The following VWC2L variants were observed in gnomAD, a reference collection of about 807,000 sequenced individuals.
VWC2L encodes the protein von Willebrand factor C domain containing 2 like, also known as von Willebrand factor C domain-containing protein 2-like.
Under a neutral mutation model 21.6 loss-of-function variants are expected in VWC2L, and 10 were observed. The ratio of observed to expected loss-of-function variants is 0.46; its 90% CI spans 0.29 to 0.78. The LOEUF (loss-of-function observed/expected upper bound fraction) is 0.78, where lower values mean the gene tolerates loss of function less well. Among genes scored for constraint, VWC2L ranks in the 30% least tolerant of loss-of-function variants. The probability of loss-of-function intolerance (pLI) is 0.10; values close to 1 mark genes in which losing one functional copy is unlikely to be tolerated. For synonymous variants in VWC2L, 96 were observed against 94.3 expected, an observed-to-expected ratio of 1.02 and a Z score of -0.10; for missense variants, 209 against 277.1, an observed-to-expected ratio of 0.75 and a Z score of 1.74.
intron 3 of VWC2L, among the ~76,000 whole-genome samples, chr2:214,567,587 C>G (rs368105692): frequency 0.67 from 90,776 of 135,564 alleles, 31,016 homozygotes; most frequent in East Asian, 0.8. Context: ...CACACACACA[C>G]ACACACACAG....
At chr2:214,556,268 A>G (rs1029732071) in intron 3 of VWC2L, among the ~76,000 whole-genome samples, 2 of 152,162 alleles carry the variant, frequency 1.3e-5, no homozygotes, top group African/African-American at 4.8e-5. Context: ...TCAAAAAATA[A>G]ATAAAATTTA....
At chr2:214,472,926 T>C (rs1703330873) in intron 3 of VWC2L, among the ~76,000 whole-genome samples, 1 of 152,230 alleles carries the variant, frequency 6.6e-6, no homozygotes, top group African/African-American at 2.4e-5. Context: ...CTAACCAAAG[T>C]GATATGTCTC....
intron 3 of VWC2L, chr2:214,534,224 C>T (rs1202766630): frequency 2.0e-5 from 3 of 152,494 alleles, no homozygotes; most frequent in Non-Finnish European, 4.4e-5. Flanking sequence ...TACCAGAAGC[C>T]GTTGTCGCAT....
intron 3 of VWC2L, among the ~76,000 whole-genome samples, chr2:214,450,203 C>G (rs904092701): frequency 6.6e-6 from 1 of 152,118 alleles, no homozygotes; most frequent in Non-Finnish European, 1.5e-5. Flanking sequence ...GAGGAAAGCA[C>G]GTGAGCCTTT....
chr2:214,552,009 T>C (rs1689802801), intron 3 of VWC2L, among the ~76,000 whole-genome samples: 1 of 152,248 alleles, frequency 6.6e-6, no homozygotes, highest in Non-Finnish European at 1.5e-5. Flanking sequence ...CAAAAGAATT[T>C]TTCTTCCTTT....
At chr2:214,573,925 G>A (rs1690190193) in intron 3 of VWC2L, among the ~76,000 whole-genome samples, 1 of 152,214 alleles carries the variant, frequency 6.6e-6, no homozygotes, top group Non-Finnish European at 1.5e-5. Context: ...TGGATCGCCT[G>A]AGGTCAGGAA....
At chr2:214,481,346 T>G (rs1001092024) in intron 3 of VWC2L, among the ~76,000 whole-genome samples, 12 of 152,196 alleles carry the variant, frequency 7.9e-5, no homozygotes, top group African/African-American at 2.9e-4. Context: ...AAGTCCAGGC[T>G]AGACTACTGA....
At chr2:214,437,899 C>T (rs1702700805) in intron 3 of VWC2L, among the ~76,000 whole-genome samples, 1 of 152,164 alleles carries the variant, frequency 6.6e-6, no homozygotes, top group Non-Finnish European at 1.5e-5. Context: ...TTTCCAGATA[C>T]ACGTTTTGCT....
At chr2:214,513,780 G>A (rs1689096442) in intron 3 of VWC2L, among the ~76,000 whole-genome samples, 1 of 152,076 alleles carries the variant, frequency 6.6e-6, no homozygotes, top group African/African-American at 2.4e-5. Context: ...TACAAGGCAA[G>A]AGTGTCCTCT....
chr2:214,466,863 T>A (rs1225797754), intron 3 of VWC2L, among the ~76,000 whole-genome samples: 1 of 152,232 alleles, frequency 6.6e-6, no homozygotes, highest in African/African-American at 2.4e-5. Context: ...CTGCTTATTC[T>A]GATATCTGTG....
At chr2:214,430,868 T>C (rs1475331438) in intron 2 of VWC2L, among the ~76,000 whole-genome samples, 1 of 152,102 alleles carries the variant, frequency 6.6e-6, no homozygotes, top group Admixed American at 6.5e-5. Flanking sequence ...GCTTCCTCAG[T>C]ATTAAAATTC....
At chr2:214,529,618 C>G (rs928296922) in intron 3 of VWC2L, among the ~76,000 whole-genome samples, 10 of 152,122 alleles carry the variant, frequency 6.6e-5, no homozygotes, top group Non-Finnish European at 1.0e-4. Flanking sequence ...GCACTTGTAT[C>G]AAAGCCATTC....
At chr2:214,472,663 C>T (rs1703327284) in intron 3 of VWC2L, among the ~76,000 whole-genome samples, 1 of 152,186 alleles carries the variant, frequency 6.6e-6, no homozygotes, top group South Asian at 2.1e-4. Flanking sequence ...AGTTCTATAT[C>T]CAATAGATTG....
At chr2:214,420,202 C>T (rs954218880) in intron 2 of VWC2L, among the ~76,000 whole-genome samples, 6 of 152,298 alleles carry the variant, frequency 3.9e-5, no homozygotes, top group Admixed American at 2.6e-4. Context: ...TCAACCTTCT[C>T]ATTAATAGGT....
intron 3 of VWC2L, among the ~76,000 whole-genome samples, chr2:214,475,131 A>G (rs1183676237): frequency 6.6e-6 from 1 of 152,184 alleles, no homozygotes; most frequent in East Asian, 1.9e-4. Flanking sequence ...TTTACATTGT[A>G]GATGTAAAAG....
At chr2:214,470,441 GATTTA>G (rs1198914315) in intron 3 of VWC2L, among the ~76,000 whole-genome samples, 2 of 151,954 alleles carry the variant, frequency 1.3e-5, no homozygotes, top group Admixed American at 6.6e-5. Flanking sequence ...TATTTTATAG[GATTTA>G]ATTTGTTTTT....
In VWC2L at chr2:214,432,137, C is replaced by T. The variant is rs114443299; in HGVS notation, c.391-4492C>T. 1.5e-3 allele frequency among the ~76,000 whole-genome samples: 231 copies of T among 152,132 alleles called. 2 individuals carry two copies. The highest frequency in any genetic ancestry group is 5.2e-3 in the African/African-American group (215 of 41,486). On this transcript the variant is annotated intron_variant, in intron 2 of 3. Transcript: ENST00000312504. ...CACGCATAATGAACACAGATGAAGC[C>T]GCCCAGAGATATGGTTTAGCAAATA...
intron 3 of VWC2L, among the ~76,000 whole-genome samples, chr2:214,452,861 A>G (rs971862581): frequency 2.0e-5 from 3 of 152,064 alleles, no homozygotes; most frequent in Admixed American, 2.0e-4. Flanking sequence ...TTTTCATATG[A>G]TATGTTTCCA....
intron 3 of VWC2L, among the ~76,000 whole-genome samples, chr2:214,452,838 G>C (rs1046343263): frequency 1.3e-5 from 2 of 152,122 alleles, no homozygotes; most frequent in Non-Finnish European, 2.9e-5. Flanking sequence ...AATGACTAGT[G>C]AGGATTAGTC....
Sources: allele counts gnomAD v4.1 joint callset (sites outside exome capture counted in the v4.1 genomes callset), GRCh38; gene constraint gnomAD v4.1.1; transcripts MANE v1.5; gene names NCBI Gene and HGNC (gene_info 2026-07-23, HGNC 2026-07-21).